Variants in HECTD4 observed in about 807,000 individuals in gnomAD.
HECTD4 encodes the protein probable E3 ubiquitin-protein ligase HECTD4.
HECTD4 carries 114 observed loss-of-function variants against 471.5 expected under a neutral mutation model. The ratio of observed to expected loss-of-function variants is 0.24; its 90% CI spans 0.21 to 0.28. HECTD4 has a LOEUF of 0.28. Among genes scored for constraint, HECTD4 ranks in the 10% least tolerant of loss-of-function variants. The probability of loss-of-function intolerance (pLI) is 1.00; values close to 1 mark genes in which losing one functional copy is unlikely to be tolerated. For synonymous variants in HECTD4, 2,012 were observed against 2,256.0 expected (o/e 0.89, Z 3.07); for missense variants, 3,866 against 5,651.5 (o/e 0.68, Z 10.13).
At chr12:112,291,574 A>T (rs979310921) in intron 7 of HECTD4, among the ~76,000 whole-genome samples, 2 of 150,978 alleles carry the variant, frequency 1.3e-5, no homozygotes, top group African/African-American at 4.9e-5. Flanking sequence ...CCCCATCTTT[A>T]AAAAAAAAGA....
At chr12:112,365,237 T>C (rs894932304) in intron 1 of HECTD4, among the ~76,000 whole-genome samples, 4 of 152,192 alleles carry the variant, frequency 2.6e-5, no homozygotes, top group African/African-American at 7.2e-5. Context: ...AAATCATCAT[T>C]TCAACATTTA....
chr12:112,291,152 CAT>C (rs2034876587), intron 7 of HECTD4, among the ~76,000 whole-genome samples: 1 of 151,914 alleles, frequency 6.6e-6, no homozygotes, highest in Non-Finnish European at 1.5e-5. Flanking sequence ...CAAAAAGAAA[CAT>C]GTAAAAAATG....
chr12:112,327,687 C>A, intron 1 of HECTD4, among the ~76,000 whole-genome samples: 1 of 152,192 alleles, frequency 6.6e-6, no homozygotes, highest in East Asian at 1.9e-4. Context: ...TAATTTTTCA[C>A]ACGCAAACGC....
chr12:112,182,231 C>T (rs765699261), intron 62 of HECTD4, among the ~76,000 whole-genome samples: 4 of 151,698 alleles, frequency 2.6e-5, no homozygotes, highest in Non-Finnish European at 4.4e-5. Flanking sequence ...TTTGGGAGGC[C>T]GAGGCTGGAG....
At chr12:112,369,953 A>C (rs996081270) in intron 1 of HECTD4, among the ~76,000 whole-genome samples, 6 of 152,196 alleles carry the variant, frequency 3.9e-5, no homozygotes, top group African/African-American at 9.6e-5. Context: ...ATGTCCACCT[A>C]CTAATCCTTG....
chr12:112,301,260 C>G lies in HECTD4; in HGVS notation c.1335+4804G>C, dbSNP rs142003107. 3.6e-3 allele frequency among the ~76,000 whole-genome samples: 545 copies of G among 150,858 alleles called. 2 individuals carry two copies. The highest frequency in any genetic ancestry group is 5.7e-3 in the Non-Finnish European group (383 of 67,638). ...TGCAATAGCGCGATCTCAGCTCCGC[C>G]TTGGTGGAGCCTACCAGGTTCAAAT... On this transcript the variant is annotated intron_variant, in intron 7 of 75. Transcript: ENST00000682272.
intron 1 of HECTD4, among the ~76,000 whole-genome samples, chr12:112,372,007 CA>C (rs2036686236): frequency 6.6e-6 from 1 of 151,594 alleles, no homozygotes; most frequent in South Asian, 2.1e-4. Flanking sequence ...GTTTTGCTTT[CA>C]AATACAATAG....
chr12:112,238,561 AAAC>A (rs890441829), intron 34 of HECTD4, among the ~76,000 whole-genome samples: 6 of 152,128 alleles, frequency 3.9e-5, no homozygotes, highest in Non-Finnish European at 7.3e-5. Context: ...CTCTAAAAAC[AAAC>A]AACAACAACA....
intron 1 of HECTD4, among the ~76,000 whole-genome samples, chr12:112,359,978 A>T (rs1409829650): frequency 6.6e-6 from 1 of 152,248 alleles, no homozygotes; most frequent in Admixed American, 6.5e-5. Flanking sequence ...GAATACGCAC[A>T]GGTGCAACAA....
At chr12:112,196,683 C>T (rs541854090) in intron 55 of HECTD4, among the ~76,000 whole-genome samples, 16 of 152,250 alleles carry the variant, frequency 1.1e-4, no homozygotes, top group African/African-American at 3.4e-4. Context: ...CTTGACCTCC[C>T]GGGCTCAAGC....
intron 1 of HECTD4, among the ~76,000 whole-genome samples, chr12:112,353,310 G>A (rs2036278832): frequency 6.6e-6 from 1 of 152,156 alleles, no homozygotes; most frequent in Non-Finnish European, 1.5e-5. Context: ...TAGGCTAATG[G>A]ATATTTTATC....
At chr12:112,250,805 A>G (rs776518964) in intron 24 of HECTD4, among the ~76,000 whole-genome samples, 166 bp downstream of exon 24, 22 of 152,230 alleles carry the variant, frequency 1.4e-4, no homozygotes, top group Non-Finnish European at 2.8e-4. Context: ...AGGGCCAGAA[A>G]GCACTATGGT....
chr12:112,283,307 CAT>C lies in HECTD4; in HGVS notation c.1336-7_1336-6del. The C allele has an allele frequency of 2.5e-6, 4 of 1,594,574 alleles. No individual in the cohort carries two copies. Among genetic ancestry groups the C allele is most frequent in the Non-Finnish European group, 3.4e-6 (4 of 1,169,564 alleles). On this transcript the variant is annotated splice_region_variant and splice_polypyrimidine_tract_variant and intron_variant, in intron 7 of 75. Coordinates refer to ENST00000682272, the MANE Select transcript of HECTD4 (RefSeq NM_001388303.1). ...TACAAATACACCATTTTCAACCTAA[CAT>C]AGAAAAAAAGGAGGTCCTAAAATGA...
chr12:112,198,059 T>TC (rs1286779329), intron 55 of HECTD4, among the ~76,000 whole-genome samples: 1 of 152,180 alleles, frequency 6.6e-6, no homozygotes, highest in Non-Finnish European at 1.5e-5. Flanking sequence ...GGTTTTGAAC[T>TC]CCTGGCCTCA....
Position 112,291,647 on chromosome 12 carries a change from C to T in HECTD4, c.1336-8345G>A, listed in dbSNP as rs113974998. ...CAGCACTTTGGGAGGCCGAGGCGGG[C>T]GGATCATGAGGTCAGGAGATTGAGA... On this transcript the variant is annotated intron_variant, in intron 7 of 75. Transcript: ENST00000682272. Among the ~76,000 whole-genome samples, 722 of 151,996 alleles carry T rather than the reference C, an allele frequency of 4.8e-3. 5 individuals are homozygous for T. Among genetic ancestry groups the T allele is most frequent in the Middle Eastern group, 0.01 (3 of 294 alleles).
At chr12:112,324,093 TCTTTCTTTC>T (rs2035688669) in intron 1 of HECTD4, among the ~76,000 whole-genome samples, 1 of 92,022 alleles carries the variant, frequency 1.1e-5, no homozygotes, top group African/African-American at 6.6e-5. Flanking sequence ...TTTCTTTCTT[TCTTTCTTTC>T]CTCTCTCTCT....
chr12:112,242,818 C>T (rs952161815), intron 32 of HECTD4, among the ~76,000 whole-genome samples: 2 of 152,066 alleles, frequency 1.3e-5, no homozygotes, highest in African/African-American at 2.4e-5. Flanking sequence ...GGTTGAGACA[C>T]GAGAATCACT....
rs56053560 is a variant in HECTD4, at chr12:112,379,717, T to TTATA, written c.177+2231_177+2234dup. Among the ~76,000 whole-genome samples, 1,102 of 147,444 alleles carry TTATA rather than the reference T, an allele frequency of 7.5e-3. 9 individuals are homozygous for TTATA. The highest frequency in any genetic ancestry group is 0.033 in the South Asian group (155 of 4,676). ...TCAAAATAAAAAATAAAAAGATTTT[T>TTATA]TATATATATATATATATATGTGAAT... On this transcript the variant is annotated intron_variant, in intron 1 of 75. Coordinates refer to ENST00000682272, the MANE Select transcript of HECTD4 (RefSeq NM_001388303.1).
chr12:112,256,241 C>T, intron 21 of HECTD4, 79 bp downstream of exon 21: 1 of 1,062,916 alleles, frequency 9.4e-7, no homozygotes, highest in Non-Finnish European at 1.3e-6. Context: ...GAATGGTGAC[C>T]AGCAGCAAAG....
Sources: allele counts gnomAD v4.1 joint callset (sites outside exome capture counted in the v4.1 genomes callset), GRCh38; gene constraint gnomAD v4.1.1; transcripts MANE v1.5; gene names NCBI Gene and HGNC (gene_info 2026-07-23, HGNC 2026-07-21).